The following C8orf34 variants were observed in gnomAD, a reference collection of about 807,000 sequenced individuals.
C8orf34 encodes uncharacterized protein C8orf34.
Under a neutral mutation model 68.3 loss-of-function variants are expected in C8orf34, and 65 were observed. The ratio of observed to expected loss-of-function variants is 0.95; its 90% CI spans 0.78 to 1.17. The LOEUF (loss-of-function observed/expected upper bound fraction) is 1.17, where lower values mean the gene tolerates loss of function less well. Among genes scored for constraint, C8orf34 ranks in the 50% most tolerant of loss-of-function variants. C8orf34 has a pLI of 0.00. For synonymous variants in C8orf34, 244 were observed against 241.2 expected (o/e 1.01, Z -0.11); for missense variants, 664 against 655.4 (o/e 1.01, Z -0.14).
At chr8:68,637,410 A>G (rs775891106) in intron 7 of C8orf34, among the ~76,000 whole-genome samples, 42 of 152,250 alleles carry the variant, frequency 2.8e-4, no homozygotes, top group Non-Finnish European at 4.7e-4. Context: ...TTGATGATCT[A>G]TAGAATTAGG....
intron 1 of C8orf34, among the ~76,000 whole-genome samples, chr8:68,372,479 A>G (rs1807602100): frequency 6.6e-6 from 1 of 152,158 alleles, no homozygotes; most frequent in African/African-American, 2.4e-5. Flanking sequence ...ATGCCAAAGA[A>G]GCTAGAGATG....
intron 11 of C8orf34, among the ~76,000 whole-genome samples, chr8:68,778,200 T>G (rs993904639): frequency 1.3e-5 from 2 of 152,204 alleles, no homozygotes; most frequent in Non-Finnish European, 2.9e-5. Flanking sequence ...TTTTGTCTTT[T>G]CTCACTTAGG....
At chr8:68,484,807 T>TA (rs5892146) in intron 4 of C8orf34, among the ~76,000 whole-genome samples, 3 of 151,956 alleles carry the variant, frequency 2.0e-5, no homozygotes, top group South Asian at 2.1e-4. Flanking sequence ...AATAAGAAGT[T>TA]AAAAAAAATG....
intron 3 of C8orf34, among the ~76,000 whole-genome samples, chr8:68,458,408 A>AG (rs1454923170): frequency 6.6e-6 from 1 of 152,142 alleles, no homozygotes; most frequent in African/African-American, 2.4e-5. Context: ...ATGGGAACCT[A>AG]GGCTGTGTCT....
intron 8 of C8orf34, among the ~76,000 whole-genome samples, chr8:68,706,600 C>T (rs968414569): frequency 6.6e-6 from 1 of 152,156 alleles, no homozygotes; most frequent in African/African-American, 2.4e-5. Flanking sequence ...GAACACTGGA[C>T]TTACAGATAT....
intron 1 of C8orf34, among the ~76,000 whole-genome samples, chr8:68,364,671 G>C (rs1807159435): frequency 8.1e-6 from 1 of 123,624 alleles, no homozygotes; most frequent in South Asian, 3.2e-4. Context: ...AATGAAGGCA[G>C]AAATAAAGAT....
chr8:68,355,327 G>C (rs939815918), intron 1 of C8orf34, among the ~76,000 whole-genome samples: 1 of 152,094 alleles, frequency 6.6e-6, no homozygotes, highest in Non-Finnish European at 1.5e-5. Context: ...TAATCTTTGG[G>C]AATGACTCAG....
At chr8:68,541,902 TA>T (rs1259928739) in intron 7 of C8orf34, among the ~76,000 whole-genome samples, 5 of 152,358 alleles carry the variant, frequency 3.3e-5, no homozygotes, top group African/African-American at 4.8e-5. Flanking sequence ...CCAATTATTT[TA>T]AACAATTTGA....
At chr8:68,568,560 G>GA (rs35855967) in intron 7 of C8orf34, among the ~76,000 whole-genome samples, 3,727 of 138,232 alleles carry the variant, frequency 0.027, 69 homozygotes, top group Non-Finnish European at 0.041. Flanking sequence ...GCTTCAATTA[G>GA]AAAAAAAAAA....
intron 5 of C8orf34, among the ~76,000 whole-genome samples, chr8:68,512,799 A>C (rs76984971): frequency 2.2e-4 from 34 of 151,156 alleles, no homozygotes; most frequent in Non-Finnish European, 1.9e-4. Flanking sequence ...AAAAAAAAAA[A>C]CCACCAACAA....
At chr8:68,683,692 T>A (rs1820433010) in intron 8 of C8orf34, among the ~76,000 whole-genome samples, 1 of 152,128 alleles carries the variant, frequency 6.6e-6, no homozygotes, top group Non-Finnish European at 1.5e-5. Context: ...TATCAGAACC[T>A]GTACATAGTC....
chr8:68,604,423 A>C (rs1410948405), intron 7 of C8orf34, among the ~76,000 whole-genome samples: 4 of 141,582 alleles, frequency 2.8e-5, no homozygotes, highest in Admixed American at 2.7e-4. Context: ...TAGACAGCAA[A>C]TCATTCTGTA....
At chr8:68,713,363 CA>C (rs1383903729) in intron 9 of C8orf34, among the ~76,000 whole-genome samples, 5 of 151,400 alleles carry the variant, frequency 3.3e-5, no homozygotes, top group Non-Finnish European at 5.9e-5. Context: ...AAAAAAAATA[CA>C]AAAGATAGAT....
chr8:68,558,343 A>G (rs1289765225), intron 7 of C8orf34, among the ~76,000 whole-genome samples: 2 of 146,422 alleles, frequency 1.4e-5, no homozygotes, highest in African/African-American at 5.5e-5. Context: ...AATCTTAAAT[A>G]GAAATAATTT....
At chr8:68,724,768 C>T (rs1468685891) in intron 10 of C8orf34, among the ~76,000 whole-genome samples, 1 of 152,214 alleles carries the variant, frequency 6.6e-6, no homozygotes, top group African/African-American at 2.4e-5. Flanking sequence ...ATTATGACCT[C>T]TTAGCTTCAT....
intron 10 of C8orf34, among the ~76,000 whole-genome samples, chr8:68,730,707 A>G (rs1821956368): frequency 6.6e-6 from 1 of 152,098 alleles, no homozygotes; most frequent in Non-Finnish European, 1.5e-5. Flanking sequence ...TCCATTAATA[A>G]AAGTATGACA....
intron 5 of C8orf34, among the ~76,000 whole-genome samples, chr8:68,492,757 C>T (rs1344548774): frequency 6.6e-6 from 1 of 152,018 alleles, no homozygotes; most frequent in South Asian, 2.1e-4. Flanking sequence ...GTTCCAGCCT[C>T]CCTAGTCAGC....
intron 4 of C8orf34, among the ~76,000 whole-genome samples, chr8:68,470,392 C>A (rs1431056390): frequency 6.6e-6 from 1 of 152,080 alleles, no homozygotes; most frequent in East Asian, 1.9e-4. Context: ...AAATGTGACA[C>A]CTGCCTTTCA....
At chr8:68,675,867 C>A (rs555353783) in intron 8 of C8orf34, among the ~76,000 whole-genome samples, 3 of 152,090 alleles carry the variant, frequency 2.0e-5, no homozygotes. Flanking sequence ...TGTAAAGACA[C>A]ACAGACTGAA....
Sources: allele counts gnomAD v4.1 joint callset (sites outside exome capture counted in the v4.1 genomes callset), GRCh38; gene constraint gnomAD v4.1.1; transcripts MANE v1.5; gene names NCBI Gene and HGNC (gene_info 2026-07-23, HGNC 2026-07-21).